Variants in WDR7 observed in about 807,000 individuals in gnomAD.
WDR7 encodes WD repeat-containing protein 7.
WDR7 carries 46 observed loss-of-function variants against 169.4 expected under a neutral mutation model. The observed-to-expected ratio is 0.27, with a 90% CI of 0.21 to 0.35. The LOEUF (loss-of-function observed/expected upper bound fraction) is 0.35. Among genes scored for constraint, WDR7 ranks in the 10% least tolerant of loss-of-function variants. The probability of loss-of-function intolerance (pLI) is 1.00; values close to 1 mark genes in which losing one functional copy is unlikely to be tolerated. For synonymous variants in WDR7, 612 were observed against 666.8 expected (o/e 0.92, Z 1.27); for missense variants, 1,534 against 1,859.3 (o/e 0.83, Z 3.22).
At chr18:56,736,385 T>G (rs1251304825) in intron 14 of WDR7, among the ~76,000 whole-genome samples, 1 of 151,972 alleles carries the variant, frequency 6.6e-6, no homozygotes, top group Non-Finnish European at 1.5e-5. Flanking sequence ...AGATAGAAAT[T>G]GAGAGTTGTT....
intron 20 of WDR7, among the ~76,000 whole-genome samples, chr18:56,865,147 G>C (rs1264480374): frequency 6.6e-6 from 1 of 151,966 alleles, no homozygotes; most frequent in Non-Finnish European, 1.5e-5. Context: ...TTACTTGGTA[G>C]TCTATACTAA....
At chr18:56,795,118 T>C (rs1403302091) in intron 19 of WDR7, among the ~76,000 whole-genome samples, 1 of 152,216 alleles carries the variant, frequency 6.6e-6, no homozygotes, top group Non-Finnish European at 1.5e-5. Context: ...TATGAATTCA[T>C]GGATTGAAAC....
chr18:56,866,552 ATT>A (rs1555701606), intron 20 of WDR7, among the ~76,000 whole-genome samples: 1 of 152,058 alleles, frequency 6.6e-6, no homozygotes, highest in African/African-American at 2.4e-5. Context: ...CTTATTGAGT[ATT>A]TTTTAGAAAT....
At chr18:56,802,421 G>A (rs969900598) in intron 19 of WDR7, among the ~76,000 whole-genome samples, 3 of 151,738 alleles carry the variant, frequency 2.0e-5, no homozygotes, top group South Asian at 2.1e-4. Context: ...GCAGTGGCAT[G>A]ATCTCGACTC....
At chr18:56,745,055 C>T (rs1276672355) in intron 14 of WDR7, among the ~76,000 whole-genome samples, 1 of 152,178 alleles carries the variant, frequency 6.6e-6, no homozygotes, top group Non-Finnish European at 1.5e-5. Context: ...GATAAGAATG[C>T]AGTGCCATCT....
chr18:56,919,513 T>A (rs200423016), intron 21 of WDR7, among the ~76,000 whole-genome samples: 86 of 6,562 alleles, frequency 0.013, no homozygotes, highest in African/African-American at 0.02. Flanking sequence ...GAGATGCTCG[T>A]TAACTCAGCT....
chr18:56,818,361 TA>T (rs1203415432), intron 20 of WDR7, among the ~76,000 whole-genome samples: 1 of 152,346 alleles, frequency 6.6e-6, no homozygotes, highest in East Asian at 1.9e-4. Context: ...ATTTTATTGT[TA>T]ACAAAATCAA....
chr18:56,872,355 T>C (rs1418544229), intron 20 of WDR7, among the ~76,000 whole-genome samples: 1 of 152,156 alleles, frequency 6.6e-6, no homozygotes, highest in African/African-American at 2.4e-5. Flanking sequence ...GACTGCTTTT[T>C]AAATGAAGTA....
At chr18:56,867,291 C>A (rs150658092) in intron 20 of WDR7, among the ~76,000 whole-genome samples, 2,268 of 152,224 alleles carry the variant, frequency 0.015, 57 homozygotes, top group African/African-American at 0.05. Flanking sequence ...CCTGCCTTGG[C>A]CTCCTAAAGT....
chr18:56,917,183 T>G (rs2046640532), intron 21 of WDR7, among the ~76,000 whole-genome samples: 1 of 151,614 alleles, frequency 6.6e-6, no homozygotes. Context: ...GGCGACAGGG[T>G]GACATTCCGT....
At chr18:56,972,240 A>G (rs2047499198) in intron 26 of WDR7, among the ~76,000 whole-genome samples, 1 of 152,228 alleles carries the variant, frequency 6.6e-6, no homozygotes, top group Admixed American at 6.5e-5. Context: ...TATTAATGGA[A>G]GTTTGGAAAG....
intron 25 of WDR7, among the ~76,000 whole-genome samples, chr18:56,952,389 T>C (rs747107978): frequency 3.9e-5 from 6 of 152,224 alleles, no homozygotes; most frequent in Admixed American, 2.6e-4. Flanking sequence ...ACTTTTCTCG[T>C]GACTGACTTA....
At chr18:56,786,850 A>G (rs1363385825) in intron 19 of WDR7, among the ~76,000 whole-genome samples, 1 of 151,790 alleles carries the variant, frequency 6.6e-6, no homozygotes, top group East Asian at 2.0e-4. Flanking sequence ...TTATGTTCCA[A>G]AAACACTTTT....
intron 20 of WDR7, among the ~76,000 whole-genome samples, chr18:56,858,482 A>G (rs2045755553): frequency 6.6e-6 from 1 of 151,938 alleles, no homozygotes; most frequent in African/African-American, 2.4e-5. Flanking sequence ...TAAGATTTTT[A>G]TCATTTATTT....
At chr18:56,955,659 A>C (rs2047240959) in intron 25 of WDR7, among the ~76,000 whole-genome samples, 1 of 150,118 alleles carries the variant, frequency 6.7e-6, no homozygotes, top group South Asian at 2.1e-4. Flanking sequence ...CAGATGGATG[A>C]TGATGATGAT....
At chr18:56,839,103 T>C (rs1276405031) in intron 20 of WDR7, among the ~76,000 whole-genome samples, 1 of 152,162 alleles carries the variant, frequency 6.6e-6, no homozygotes, top group Non-Finnish European at 1.5e-5. Context: ...GCCAGTTTGA[T>C]TCAGCATAAG....
chr18:56,698,148 T>G (rs1375458437), intron 12 of WDR7, among the ~76,000 whole-genome samples: 2 of 151,610 alleles, frequency 1.3e-5, no homozygotes, highest in African/African-American at 4.8e-5. Context: ...TGAGCTGAGA[T>G]CGTACCCTTG....
chr18:56,749,766 T>C (rs915885614), intron 14 of WDR7, among the ~76,000 whole-genome samples: 2 of 152,022 alleles, frequency 1.3e-5, no homozygotes, highest in Non-Finnish European at 2.9e-5. Flanking sequence ...ATTATTGCCA[T>C]TGTTTTACGT....
intron 25 of WDR7, among the ~76,000 whole-genome samples, chr18:56,951,457 A>C (rs2047181782): frequency 6.6e-6 from 1 of 151,938 alleles, no homozygotes; most frequent in Admixed American, 6.6e-5. Flanking sequence ...ACCTCTCCCC[A>C]TCCTAAATGT....
Sources: gnomAD v4.1 joint callset for allele counts (sites outside exome capture counted in the v4.1 genomes callset) on GRCh38, gnomAD v4.1.1 for gene constraint, MANE v1.5 for transcripts, NCBI Gene and HGNC (gene_info 2026-07-23, HGNC 2026-07-21) for gene names.